Variants in EPHB1 observed in about 807,000 individuals in gnomAD.
EPHB1 encodes EPH receptor B1.
EPHB1 carries 30 observed loss-of-function variants against 94.4 expected under a neutral mutation model. That is an observed-to-expected ratio of 0.32 (90% CI 0.24 to 0.43). The LOEUF (loss-of-function observed/expected upper bound fraction) is 0.43, where lower values mean the gene tolerates loss of function less well. Ranked by LOEUF, EPHB1 falls within the 20% of genes least tolerant of loss-of-function variation. The pLI is 1.00. For synonymous variants in EPHB1, 522 were observed against 489.1 expected (o/e 1.07, Z -0.89); for missense variants, 1,055 against 1,308.3 (o/e 0.81, Z 2.99).
intron 6 of EPHB1, among the ~76,000 whole-genome samples, chr3:135,161,646 A>T (rs7634851): frequency 3.3e-5 from 5 of 152,092 alleles, no homozygotes; most frequent in South Asian, 4.1e-4. Flanking sequence ...GCCTAGTTTG[A>T]GTCTGCTGAG....
At chr3:135,165,668 G>A (rs1277321220) in intron 7 of EPHB1, among the ~76,000 whole-genome samples, 3 of 152,188 alleles carry the variant, frequency 2.0e-5, no homozygotes, top group Non-Finnish European at 4.4e-5. Context: ...AGTTCTTCGA[G>A]AGACCTTCCA....
At chr3:135,185,029 C>T (rs934960326) in intron 10 of EPHB1, among the ~76,000 whole-genome samples, 1 of 152,170 alleles carries the variant, frequency 6.6e-6, no homozygotes, top group Non-Finnish European at 1.5e-5. Context: ...TGTATGACTA[C>T]ATAGGTAAAG....
Position 135,192,881 on chromosome 3 carries a change from G to T in EPHB1, c.2130+58G>T. On this transcript the variant is annotated intron_variant, in intron 11 of 15. Coordinates refer to ENST00000398015, the MANE Select transcript of EPHB1 (RefSeq NM_004441.5). ...TGGATGCAGGTGAATGATGGCTGGGGAGAGGGGTTCCATGAGCACAACCTA... is the reference window on the plus strand; with the variant it reads ...TGGATGCAGGTGAATGATGGCTGGGTAGAGGGGTTCCATGAGCACAACCTA... The T allele has an allele frequency of 1.9e-6, 3 of 1,585,496 alleles. No individual in the cohort carries two copies. In the Middle Eastern group the frequency reaches 5.1e-4, roughly 268 times the overall value.
At chr3:135,118,306 T>A (rs1022905532) in intron 4 of EPHB1, among the ~76,000 whole-genome samples, 4 of 152,214 alleles carry the variant, frequency 2.6e-5, no homozygotes. Context: ...CTGATTGGAA[T>A]AAGAACACAT....
At chr3:134,843,234 T>C (rs896765554) in intron 1 of EPHB1, among the ~76,000 whole-genome samples, 10 of 152,204 alleles carry the variant, frequency 6.6e-5, no homozygotes, top group African/African-American at 2.2e-4. Context: ...TGGGCCTCCA[T>C]TGTTTCCGAA....
At chr3:135,018,369 C>T (rs1170790539) in intron 3 of EPHB1, among the ~76,000 whole-genome samples, 1 of 152,132 alleles carries the variant, frequency 6.6e-6, no homozygotes, top group Non-Finnish European at 1.5e-5. Context: ...CCATCTGATG[C>T]TCCTCCCACC....
intron 3 of EPHB1, among the ~76,000 whole-genome samples, chr3:134,993,819 A>C (rs1471988215): frequency 6.6e-6 from 1 of 152,242 alleles, no homozygotes; most frequent in Non-Finnish European, 1.5e-5. Flanking sequence ...TGCCAGCTTC[A>C]TTCACATCTT....
chr3:134,851,224 C>T (rs1395505106), intron 1 of EPHB1, among the ~76,000 whole-genome samples: 1 of 152,240 alleles, frequency 6.6e-6, no homozygotes, highest in Non-Finnish European at 1.5e-5. Flanking sequence ...CACCTGCCTA[C>T]TTTATGCTAT....
At chr3:134,849,514 GA>G (rs1423224644) in intron 1 of EPHB1, among the ~76,000 whole-genome samples, 3 of 152,200 alleles carry the variant, frequency 2.0e-5, no homozygotes, top group Non-Finnish European at 4.4e-5. Flanking sequence ...GCCCTGGGAA[GA>G]GGGTGTTTGG....
chr3:134,956,750 C>T (rs1389201549), intron 3 of EPHB1, among the ~76,000 whole-genome samples: 1 of 152,150 alleles, frequency 6.6e-6, no homozygotes, highest in African/African-American at 2.4e-5. Context: ...ATTTTCTAAG[C>T]CATGCCATGC....
intron 13 of EPHB1, among the ~76,000 whole-genome samples, chr3:135,242,872 CTT>C (rs879867815): frequency 4.6e-5 from 7 of 152,028 alleles, no homozygotes; most frequent in Non-Finnish European, 8.8e-5. Flanking sequence ...GAGACCAGGA[CTT>C]TGAGACCAGC....
intron 6 of EPHB1, among the ~76,000 whole-genome samples, chr3:135,157,590 CA>C (rs1576433729): frequency 1.3e-5 from 2 of 152,182 alleles, no homozygotes; most frequent in East Asian, 3.8e-4. Flanking sequence ...GTCCCCACTC[CA>C]GAGGAGAGAA....
chr3:134,930,054 C>T (rs900493622), intron 2 of EPHB1, among the ~76,000 whole-genome samples: 1 of 152,034 alleles, frequency 6.6e-6, no homozygotes, highest in African/African-American at 2.4e-5. Flanking sequence ...CCAGAGGAGG[C>T]ACACAGTGCT....
intron 1 of EPHB1, among the ~76,000 whole-genome samples, chr3:134,810,758 A>G (rs1455005440): frequency 2.0e-5 from 3 of 152,190 alleles, no homozygotes; most frequent in Non-Finnish European, 4.4e-5. Context: ...GACTCCAGAT[A>G]GGAATGGAAA....
chr3:134,937,637 G>A (rs1428359962), intron 2 of EPHB1, among the ~76,000 whole-genome samples: 5 of 152,298 alleles, frequency 3.3e-5, no homozygotes, highest in Admixed American at 6.5e-5. Flanking sequence ...CAGAAATCCC[G>A]CCAAGCTGAA....
intron 11 of EPHB1, among the ~76,000 whole-genome samples, chr3:135,201,046 G>A (rs1219340853): frequency 6.6e-6 from 1 of 152,094 alleles, no homozygotes; most frequent in African/African-American, 2.4e-5. Context: ...ACTGTGCTAA[G>A]GAGTTTGGAG....
chr3:135,223,831 A>G (rs1421417594), intron 12 of EPHB1, among the ~76,000 whole-genome samples: 2 of 152,248 alleles, frequency 1.3e-5, no homozygotes, highest in Non-Finnish European at 2.9e-5. Context: ...GGATCAAAAT[A>G]TTAACATTGT....
chr3:134,827,929 G>C (rs1332139298), intron 1 of EPHB1, among the ~76,000 whole-genome samples: 1 of 152,154 alleles, frequency 6.6e-6, no homozygotes, highest in Non-Finnish European at 1.5e-5. Flanking sequence ...CTGCTCCTCA[G>C]ATGGGCAATC....
chr3:135,096,389 T>C (rs574861473), intron 3 of EPHB1, among the ~76,000 whole-genome samples: 1 of 152,346 alleles, frequency 6.6e-6, no homozygotes, highest in Admixed American at 6.5e-5. Context: ...ACTAGAGCTA[T>C]ACCAGAATCG....
Sources: gnomAD v4.1 joint callset for allele counts (sites outside exome capture counted in the v4.1 genomes callset) on GRCh38, gnomAD v4.1.1 for gene constraint, MANE v1.5 for transcripts, NCBI Gene and HGNC (gene_info 2026-07-23, HGNC 2026-07-21) for gene names.